Variants in DYDC2 observed in about 807,000 individuals in gnomAD.
DYDC2 encodes the protein DPY30 domain containing 2.
A neutral mutation model predicts 18.7 loss-of-function variants in DYDC2; 19 were observed. That is an observed-to-expected ratio of 1.02 (90% confidence interval 0.71 to 1.49). The LOEUF (loss-of-function observed/expected upper bound fraction) is 1.49, where lower values mean the gene tolerates loss of function less well. Among genes scored for constraint, DYDC2 ranks in the 40% most tolerant of loss-of-function variants. DYDC2 has a pLI of 0.00. For missense variants in DYDC2, 179 were observed against 205.1 expected (o/e 0.87, Z 0.78); for synonymous variants, 63 against 67.6 (o/e 0.93, Z 0.34).
intron 2 of DYDC2, among the ~76,000 whole-genome samples, chr10:80,360,737 A>C (rs1354313295): frequency 1.3e-5 from 2 of 151,180 alleles, no homozygotes; most frequent in Non-Finnish European, 3.0e-5. Flanking sequence ...CCTTTATAGA[A>C]TTCTTTCTTC....
Position 80,363,031 on chromosome 10 carries a change from G to A in DYDC2, c.228G>A (p.Gln76=), listed in dbSNP as rs774174247. 24 of 1,613,842 alleles carry A rather than the reference G, an allele frequency of 1.5e-5. No individual in the cohort carries two copies. The highest frequency in any genetic ancestry group is 1.9e-5 in the Non-Finnish European group (23 of 1,179,988). The part of the protein sequence containing the change: ...KEMEMTEMLK[Q]EEYQIQQNCE... ...TGGAAATGACAGAAATGCTGAAACA[G>A]GAAGAGTATCAGATTCAACAGAACT... The change falls in exon 4 of 5, where the codon CAG becomes CAA. Residue 76 remains glutamine, a synonymous_variant. Coordinates refer to ENST00000256039, the MANE Select transcript of DYDC2 (RefSeq NM_032372.6).
chr10:80,352,932 T>C (rs1843093009), upstream of DYDC2, among the ~76,000 whole-genome samples: 1 of 152,112 alleles, frequency 6.6e-6, no homozygotes, highest in Non-Finnish European at 1.5e-5. Flanking sequence ...CCTCACAACA[T>C]ACCTGAAAAA....
rs556362145 is a variant in DYDC2, at chr10:80,347,276, C to CTTTTTTTTTTTTTTTTTTTTTTTTTTT, written c.-310+2464_-310+2490dup. 8.9e-5 allele frequency among the ~76,000 whole-genome samples: 8 copies of CTTTTTTTTTTTTTTTTTTTTTTTTTTT among 90,124 alleles called. 3 individuals carry two copies. The highest frequency in any genetic ancestry group is 1.3e-4 in the Admixed American group (1 of 7,976). 59.1% of individuals were successfully genotyped at this position (90,124 alleles called of 152,430 possible). A position where few individuals can be genotyped will look rare whatever the true frequency, so the allele number is the denominator to read the frequency against. The stretch of plus-strand genomic sequence containing the variant: ...CTTTGCCCATTTTTTAATTGGGATC[C>CTTTTTTTTTTTTTTTTTTTTTTTTTTT]TTTTTTTTTTTTTTTTTTTTTTTTT... On this transcript the variant is annotated intron_variant, in intron 1 of 4. Coordinates refer to the DYDC2 transcript ENST00000372197.
chr10:80,349,001 T>C (rs1033593670), intron 1 of DYDC2, among the ~76,000 whole-genome samples: 1 of 152,012 alleles, frequency 6.6e-6, no homozygotes, highest in African/African-American at 2.4e-5. Context: ...GCGCCATTCT[T>C]CCCCCTCAGT....
At position 80,358,000 on chromosome 10, in the gene DYDC2, C is replaced by T. The variant is rs1446926189; in HGVS notation, c.-55C>T. The T allele has an allele frequency of 1.0e-6, 1 of 985,498 alleles. No individual in the cohort carries two copies. The highest frequency in any genetic ancestry group is 1.2e-6 in the Non-Finnish European group (1 of 830,094). 61.0% of individuals were successfully genotyped at this position (985,498 alleles called of 1,614,324 possible). ...TCCAGGAACTGTGTAAGCAGACCCT[C>T]AGAGGAGCTCTGGGAAACACTGAAA... On this transcript the variant is annotated 5_prime_UTR_variant, in exon 2 of 5. Coordinates refer to ENST00000256039, the MANE Select transcript of DYDC2 (RefSeq NM_032372.6).
At position 80,347,276 on chromosome 10, in the gene DYDC2, C is replaced by CTTTTTT. The variant is rs556362145; in HGVS notation, c.-310+2485_-310+2490dup. On this transcript the variant is annotated intron_variant, in intron 1 of 4. Coordinates refer to the DYDC2 transcript ENST00000372197. Reference sequence around the variant, plus strand: ...CTTTGCCCATTTTTTAATTGGGATCCTTTTTTTTTTTTTTTTTTTTTTTTT... The same window carrying CTTTTTT: ...CTTTGCCCATTTTTTAATTGGGATCCTTTTTTTTTTTTTTTTTTTTTTTTTTTTTTT... Among the ~76,000 whole-genome samples, 10 of 90,122 alleles carry CTTTTTT rather than the reference C, an allele frequency of 1.1e-4. 2 individuals are homozygous for CTTTTTT. The highest frequency in any genetic ancestry group is 1.5e-4 in the Non-Finnish European group (7 of 47,014). 59.1% of individuals were successfully genotyped at this position (90,122 alleles called of 152,430 possible). A position where few individuals can be genotyped will look rare whatever the true frequency, so the allele number is the denominator to read the frequency against.
In DYDC2 at chr10:80,348,777, A is replaced by G. The variant is rs555158312; in HGVS notation, c.-310+3962A>G. On this transcript the variant is annotated intron_variant, in intron 1 of 4. Coordinates refer to the DYDC2 transcript ENST00000372197. ...TAGAAATACCTTCTAAGGAATGAAT[A>G]TGCTTAATTTAAATTATACACACAT... Among the ~76,000 whole-genome samples, 62 of 152,378 alleles carry G rather than the reference A, an allele frequency of 4.1e-4. 1 individual carries two copies. The Middle Eastern group carries it at 0.01, about 25-fold the overall frequency.
upstream of DYDC2, chr10:80,352,480 T>C: frequency 6.2e-7 from 1 of 1,610,406 alleles, no homozygotes; most frequent in South Asian, 1.1e-5. Flanking sequence ...CACATTTTCC[T>C]TATACTTGTA....
intron 4 of DYDC2, among the ~76,000 whole-genome samples, chr10:80,364,081 C>G (rs1444578623): frequency 6.6e-6 from 1 of 152,188 alleles, no homozygotes; most frequent in African/African-American, 2.4e-5. Flanking sequence ...TTAGCTATGA[C>G]TATACTCTGT....
chr10:80,347,607 T>C (rs1214304100), intron 1 of DYDC2, among the ~76,000 whole-genome samples: 1 of 152,232 alleles, frequency 6.6e-6, no homozygotes, highest in East Asian at 1.9e-4. Context: ...AGGTCTTTAA[T>C]CTATTTTGAA....
chr10:80,358,946 G>A (rs1273356941), intron 2 of DYDC2, among the ~76,000 whole-genome samples: 2 of 152,204 alleles, frequency 1.3e-5, no homozygotes, highest in Non-Finnish European at 2.9e-5. Context: ...GACCTTTGCA[G>A]TGAGTGTTAC....
chr10:80,347,567 G>A (rs755492956), intron 1 of DYDC2, among the ~76,000 whole-genome samples: 5 of 151,942 alleles, frequency 3.3e-5, no homozygotes, highest in South Asian at 2.1e-4. Flanking sequence ...GTTTTCTTCC[G>A]GGAGTTTTAC....
chr10:80,348,666 A>G (rs1842805028), intron 1 of DYDC2, among the ~76,000 whole-genome samples: 1 of 152,238 alleles, frequency 6.6e-6, no homozygotes, highest in East Asian at 1.9e-4. Flanking sequence ...TGCAATTAAG[A>G]AGCTTCCATC....
chr10:80,355,045 T>TA (rs200280665), upstream of DYDC2, among the ~76,000 whole-genome samples: 10,407 of 143,856 alleles, frequency 0.072, 350 homozygotes, highest in Middle Eastern at 0.11. Flanking sequence ...GTCAGGAAAG[T>TA]AAAAAAAAAG....
At chr10:80,352,336 T>C (rs1463174358), upstream of DYDC2, 6 of 1,315,438 alleles carry the variant, frequency 4.6e-6, no homozygotes, top group Middle Eastern at 2.8e-4. Flanking sequence ...TTGTTCAAGT[T>C]TTTGTATAAT....
upstream of DYDC2, chr10:80,352,138 T>C: frequency 1.2e-6 from 1 of 814,892 alleles, no homozygotes; most frequent in African/African-American, 1.7e-5. Flanking sequence ...GGAAATGATA[T>C]AATAATTTGG....
At chr10:80,363,346 T>G (rs1284135583) in intron 4 of DYDC2, among the ~76,000 whole-genome samples, 25 of 131,206 alleles carry the variant, frequency 1.9e-4, no homozygotes, top group African/African-American at 5.9e-4. Context: ...GTTTTTTTTT[T>G]TTTTTTTTTT....
At chr10:80,366,440 C>T (rs542032794) in intron 4 of DYDC2, among the ~76,000 whole-genome samples, 6 of 152,242 alleles carry the variant, frequency 3.9e-5, no homozygotes, top group African/African-American at 9.6e-5. Flanking sequence ...TTGTAGAGGA[C>T]GTTTTATAGG....
Position 80,362,566 on chromosome 10 carries a change from G to T in DYDC2, c.123G>T (p.Arg41Ser), listed in dbSNP as rs144557788. ...TGGCTCACTGGCTTTATCATTACAG[G>T]AAAACAGCAAAAGCAAAAGAAGAGG... ...EYLAHWLYHY[R>S]KTAKAKEENR... The change falls in exon 3 of 5, where the codon AGG (arginine) becomes AGT (serine). Residue 41 changes from arginine (R) to serine (S), a missense_variant. Arg to Ser is a moderately radical substitution (Grantham distance 110). Transcript: ENST00000256039. 1.2e-6 allele frequency: 2 copies of T among 1,612,096 alleles called. No homozygotes were observed. Among genetic ancestry groups the T allele is most frequent in the Admixed American group, 1.7e-5 (1 of 59,942 alleles).
Sources: gnomAD v4.1 joint callset for allele counts (sites outside exome capture counted in the v4.1 genomes callset) on GRCh38, gnomAD v4.1.1 for gene constraint, MANE v1.5 for transcripts, NCBI Gene and HGNC (gene_info 2026-07-23, HGNC 2026-07-21) for gene names.